Variants in DPYD observed in about 807,000 individuals in gnomAD.
DPYD encodes the protein dihydropyrimidine dehydrogenase, also known as dihydropyrimidine dehydrogenase [NADP(+)].
Under a neutral mutation model 116.2 loss-of-function variants are expected in DPYD, and 109 were observed. The observed-to-expected ratio is 0.94, with a 90% confidence interval of 0.80 to 1.10. The LOEUF (loss-of-function observed/expected upper bound fraction) is 1.10, where lower values mean the gene tolerates loss of function less well. DPYD is among the 50% of genes least tolerant of loss of function. The probability of loss-of-function intolerance (pLI) is 0.00; values close to 1 mark genes in which losing one functional copy is unlikely to be tolerated. For synonymous variants in DPYD, 440 were observed against 432.0 expected, an observed-to-expected ratio of 1.02 and a Z score of -0.23; for missense variants, 1,302 against 1,254.5, an observed-to-expected ratio of 1.04 and a Z score of -0.57.
At chr1:97,154,553 G>A (rs1390280816) in intron 20 of DPYD, among the ~76,000 whole-genome samples, 1 of 151,994 alleles carries the variant, frequency 6.6e-6, no homozygotes, top group Non-Finnish European at 1.5e-5. Context: ...GGCCAGGGTT[G>A]AAGACCAGCC....
intron 20 of DPYD, among the ~76,000 whole-genome samples, chr1:97,188,156 A>T (rs887127471): frequency 3.3e-5 from 5 of 152,154 alleles, no homozygotes; most frequent in Non-Finnish European, 5.9e-5. Context: ...TATCAAAACA[A>T]ATCCTTGTTT....
chr1:97,595,283 T>C (rs936146231), intron 8 of DPYD, 117 bp from the exon 9 acceptor site: 14 of 742,132 alleles, frequency 1.9e-5, no homozygotes, highest in Non-Finnish European at 2.9e-5. Flanking sequence ...GAGGAAAACA[T>C]CTGTAAGCAA....
At chr1:97,208,380 G>A (rs1279235917) in intron 19 of DPYD, among the ~76,000 whole-genome samples, 3 of 150,798 alleles carry the variant, frequency 2.0e-5, no homozygotes, top group Admixed American at 6.6e-5. Flanking sequence ...AAACTCCTGG[G>A]CACATGCAAT....
At chr1:97,634,099 T>C (rs1007847576) in intron 8 of DPYD, among the ~76,000 whole-genome samples, 3 of 152,036 alleles carry the variant, frequency 2.0e-5, no homozygotes, top group African/African-American at 7.2e-5. Context: ...TAGATTCTCA[T>C]TGAAGACCTG....
chr1:97,621,423 T>G (rs747378456), intron 8 of DPYD, among the ~76,000 whole-genome samples: 24 of 152,014 alleles, frequency 1.6e-4, no homozygotes, highest in Non-Finnish European at 3.1e-4. Context: ...GACATCAGTA[T>G]ATACACATGT....
chr1:97,344,813 G>T (rs950246740), intron 16 of DPYD, among the ~76,000 whole-genome samples: 1 of 151,828 alleles, frequency 6.6e-6, no homozygotes, highest in African/African-American at 2.4e-5. Flanking sequence ...ACATGTTTAT[G>T]CATGTACTAT....
intron 18 of DPYD, among the ~76,000 whole-genome samples, chr1:97,254,504 T>C (rs1328385589): frequency 6.6e-6 from 1 of 152,128 alleles, no homozygotes; most frequent in Non-Finnish European, 1.5e-5. Context: ...TCACCTTATG[T>C]ACCATCAAAT....
intron 13 of DPYD, among the ~76,000 whole-genome samples, chr1:97,504,604 T>C (rs1570854787): frequency 6.6e-6 from 1 of 151,956 alleles, no homozygotes; most frequent in Admixed American, 6.6e-5. Context: ...TTTTGAAGAA[T>C]GCTTGGAGGT....
intron 20 of DPYD, among the ~76,000 whole-genome samples, chr1:97,157,697 A>G (rs1655574803): frequency 6.6e-6 from 1 of 152,140 alleles, no homozygotes; most frequent in African/African-American, 2.4e-5. Context: ...CACACAATAG[A>G]GTATTGCTTC....
rs146577982 is a variant in DPYD at position 97,752,290 on chromosome 1, TCACACACACACACA to T, written c.234-11825_234-11812del. On this transcript the variant is annotated intron_variant, in intron 3 of 22. Coordinates refer to ENST00000370192, the MANE Select transcript of DPYD (RefSeq NM_000110.4). ...TACAAAAATAAAAAGTAAACCTACT[TCACACACACACACA>T]CACACACACACACACACACATACAC... Among the ~76,000 whole-genome samples the T allele has an allele frequency of 3.9e-4, 57 of 145,860 alleles. 2 individuals are homozygous for T. Among genetic ancestry groups the T allele is most frequent in the Non-Finnish European group, 3.2e-4 (21 of 66,012 alleles).
At chr1:97,120,953 C>T (rs969279548) in intron 20 of DPYD, among the ~76,000 whole-genome samples, 2 of 152,150 alleles carry the variant, frequency 1.3e-5, no homozygotes, top group Non-Finnish European at 2.9e-5. Flanking sequence ...GATATTAAAT[C>T]TTGATTAATC....
At chr1:97,174,471 A>G (rs1485648956) in intron 20 of DPYD, among the ~76,000 whole-genome samples, 3 of 152,156 alleles carry the variant, frequency 2.0e-5, no homozygotes, top group Non-Finnish European at 4.4e-5. Context: ...TTCCAACTCC[A>G]CACCCAGCTG....
rs542182723 is a variant in DPYD, at chr1:97,485,632, T to A, written c.1740+30094A>T. Among the ~76,000 whole-genome samples, 42 of 152,006 alleles carry A rather than the reference T, an allele frequency of 2.8e-4. No individual in the cohort carries two copies. The South Asian group carries it at 8.1e-3, about 29-fold the overall frequency. On this transcript the variant is annotated intron_variant, in intron 13 of 22. Coordinates refer to ENST00000370192, the MANE Select transcript of DPYD (RefSeq NM_000110.4). Reference sequence around the variant, plus strand: ...ATTTAATCAATTCATTGAATTTTTTTATTAATTTTGATTTCTAGATTTATT... The same window carrying A: ...ATTTAATCAATTCATTGAATTTTTTAATTAATTTTGATTTCTAGATTTATT...
chr1:97,337,100 GA>G (rs1669331556), intron 16 of DPYD, among the ~76,000 whole-genome samples: 1 of 152,224 alleles, frequency 6.6e-6, no homozygotes, highest in East Asian at 1.9e-4. Context: ...AAGGAATGAT[GA>G]AAAATAGACA....
chr1:97,788,002 T>C (rs865855036), intron 3 of DPYD, among the ~76,000 whole-genome samples: 73 of 152,176 alleles, frequency 4.8e-4, no homozygotes, highest in Admixed American at 1.4e-3. Context: ...ACTACTTTAT[T>C]TGTAATAAGT....
rs1223285606 is a variant in DPYD at position 97,172,337 on chromosome 1, T to C, written c.2622+20732A>G. Among the ~76,000 whole-genome samples the C allele has an allele frequency of 2.6e-5, 4 of 152,318 alleles. No individual in the cohort carries two copies. In the East Asian group the frequency reaches 7.7e-4, roughly 29 times the overall value. Reference sequence around the variant, plus strand: ...AATACTTAAAACTCATATTAGGTTCTGACGAGCCCAAAAATGCTAAGAGGA... The same window carrying C: ...AATACTTAAAACTCATATTAGGTTCCGACGAGCCCAAAAATGCTAAGAGGA... On this transcript the variant is annotated intron_variant, in intron 20 of 22. Transcript: ENST00000370192.
At chr1:97,756,509 A>G (rs968220352) in intron 3 of DPYD, among the ~76,000 whole-genome samples, 1 of 152,200 alleles carries the variant, frequency 6.6e-6, no homozygotes, top group Admixed American at 6.5e-5. Context: ...TTCTGCTTTA[A>G]TTAAACAGAA....
chr1:97,401,776 T>C (rs1044213240), intron 14 of DPYD, among the ~76,000 whole-genome samples: 2 of 152,188 alleles, frequency 1.3e-5, no homozygotes, highest in African/African-American at 4.8e-5. Context: ...TGCTTTACAT[T>C]TAGATGTATG....
chr1:97,531,743 T>A (rs1209989724), intron 12 of DPYD, among the ~76,000 whole-genome samples: 4 of 152,142 alleles, frequency 2.6e-5, no homozygotes, highest in Middle Eastern at 3.2e-3. Context: ...CATTAGTTTT[T>A]CCAATCCAAG....
Sources: gnomAD v4.1 joint callset for allele counts (sites outside exome capture counted in the v4.1 genomes callset) on GRCh38, gnomAD v4.1.1 for gene constraint, MANE v1.5 for transcripts, NCBI Gene and HGNC (gene_info 2026-07-23, HGNC 2026-07-21) for gene names.